JARID2: variants seen among roughly 807,000 people sequenced by gnomAD.
JARID2 encodes protein Jumonji.
In JARID2, 21 loss-of-function variants were observed where a neutral mutation model predicts 125.6. The observed-to-expected ratio is 0.17, with a 90% confidence interval of 0.12 to 0.24. The LOEUF (loss-of-function observed/expected upper bound fraction) is 0.24. Ranked by LOEUF, JARID2 falls within the 10% of genes least tolerant of loss-of-function variation. The pLI, the probability that JARID2 is intolerant of heterozygous loss-of-function variation, is 1.00. For synonymous variants in JARID2, 736 were observed against 661.6 expected (o/e 1.11, Z -1.73); for missense variants, 1,303 against 1,639.6 (o/e 0.79, Z 3.55).
intron 1 of JARID2, among the ~76,000 whole-genome samples, chr6:15,331,997 C>T (rs1762726572): frequency 6.6e-6 from 1 of 152,116 alleles, no homozygotes; most frequent in Admixed American, 6.5e-5. Context: ...GTGAGCACAC[C>T]TGCTAAGCCA....
At chr6:15,369,841 G>T (rs1764101015) in intron 1 of JARID2, among the ~76,000 whole-genome samples, 1 of 152,192 alleles carries the variant, frequency 6.6e-6, no homozygotes, top group Non-Finnish European at 1.5e-5. Flanking sequence ...AAGACCATGT[G>T]GACATCTGGA....
At chr6:15,343,318 C>T (rs1417019307) in intron 1 of JARID2, among the ~76,000 whole-genome samples, 1 of 149,026 alleles carries the variant, frequency 6.7e-6, no homozygotes. Flanking sequence ...CATGAGCATG[C>T]TCTTCAAATT....
chr6:15,479,592 T>C (rs1038354475), intron 5 of JARID2, among the ~76,000 whole-genome samples: 1 of 152,232 alleles, frequency 6.6e-6, no homozygotes, highest in African/African-American at 2.4e-5. Flanking sequence ...ATATCTGTTA[T>C]AATTGTGATC....
At chr6:15,506,545 G>A (rs1771014702) in intron 9 of JARID2, among the ~76,000 whole-genome samples, 1 of 152,166 alleles carries the variant, frequency 6.6e-6, no homozygotes, top group South Asian at 2.1e-4. Context: ...GAGGGAAGAG[G>A]ACTTAGTGCT....
intron 1 of JARID2, among the ~76,000 whole-genome samples, chr6:15,251,290 A>AC (rs1759441541): frequency 6.6e-6 from 1 of 152,220 alleles, no homozygotes; most frequent in Admixed American, 6.5e-5. Context: ...TGCTGGGATT[A>AC]CAGGCGTGAG....
chr6:15,379,159 A>G (rs1169935905), intron 2 of JARID2, among the ~76,000 whole-genome samples: 1 of 151,348 alleles, frequency 6.6e-6, no homozygotes, highest in Non-Finnish European at 1.5e-5. Flanking sequence ...TTACAGTGAC[A>G]AGGAATGAAT....
Position 15,520,404 on chromosome 6 carries a change from A to G in JARID2, c.*153A>G, listed in dbSNP as rs1771776978. On this transcript the variant is annotated 3_prime_UTR_variant, in exon 18 of 18. Coordinates refer to ENST00000341776, the MANE Select transcript of JARID2 (RefSeq NM_004973.4). ...GAGAACTAATTTTGTTTTAGCATTA[A>G]ACTGTTGAACTTTTTTTTGTACTTA... 1 of 598,494 alleles carries G rather than the reference A, an allele frequency of 1.7e-6. No individual in the cohort carries two copies. Among genetic ancestry groups the G allele is most frequent in the South Asian group, 2.8e-5 (1 of 35,284 alleles). The allele number at this position is 598,494 out of a possible 1,614,324, so 37.1% of individuals were successfully genotyped here. A position where few individuals can be genotyped will look rare whatever the true frequency, so the allele number is the denominator to read the frequency against.
chr6:15,419,532 A>C (rs987487089), intron 3 of JARID2, among the ~76,000 whole-genome samples: 1 of 152,210 alleles, frequency 6.6e-6, no homozygotes, highest in Non-Finnish European at 1.5e-5. Flanking sequence ...TTGATCATTC[A>C]GCTTTTGTAT....
intron 3 of JARID2, among the ~76,000 whole-genome samples, chr6:15,448,184 G>A (rs970218098): frequency 1.3e-5 from 2 of 152,222 alleles, no homozygotes; most frequent in African/African-American, 4.8e-5. Flanking sequence ...TAATCACTTG[G>A]GAGCTTGGCT....
At chr6:15,345,432 CTG>C (rs770512356) in intron 1 of JARID2, among the ~76,000 whole-genome samples, 32 of 152,184 alleles carry the variant, frequency 2.1e-4, no homozygotes, top group Non-Finnish European at 3.8e-4. Context: ...AATTGAAAAT[CTG>C]GAGCTCGAGC....
At chr6:15,281,634 C>T (rs181082766) in intron 1 of JARID2, among the ~76,000 whole-genome samples, 5 of 152,296 alleles carry the variant, frequency 3.3e-5, no homozygotes, top group Admixed American at 2.6e-4. Flanking sequence ...AAGGTTATGG[C>T]CTGTGATTTA....
chr6:15,368,625 G>A (rs149841221), intron 1 of JARID2: 58 of 448,948 alleles, frequency 1.3e-4, no homozygotes, highest in East Asian at 7.3e-4. Context: ...ACCGTGTCAC[G>A]TAAGGAATGA....
chr6:15,493,821 C>T (rs922727950), intron 6 of JARID2, among the ~76,000 whole-genome samples: 6 of 152,154 alleles, frequency 3.9e-5, no homozygotes, highest in African/African-American at 1.2e-4. Context: ...CCTCACTATA[C>T]CTCCTCTTGC....
chr6:15,300,225 C>A (rs1761555955), intron 1 of JARID2, among the ~76,000 whole-genome samples: 1 of 152,148 alleles, frequency 6.6e-6, no homozygotes, highest in South Asian at 2.1e-4. Flanking sequence ...GTTTTTAATT[C>A]TTTGACCACA....
intron 1 of JARID2, among the ~76,000 whole-genome samples, chr6:15,360,792 A>G (rs917053830): frequency 2.0e-5 from 3 of 152,200 alleles, no homozygotes; most frequent in African/African-American, 7.2e-5. Flanking sequence ...GACATGAGCC[A>G]CTGCGCCCAA....
chr6:15,504,512 T>A lies in JARID2; in HGVS notation c.2461T>A (p.Ser821Thr). 1.2e-6 allele frequency: 2 copies of A among 1,613,514 alleles called. No homozygotes were observed. Among genetic ancestry groups the A allele is most frequent in the Non-Finnish European group, 1.7e-6 (2 of 1,179,416 alleles). The part of the protein sequence containing the change: ...HKCIYKGRSV[S>T]LTTFYRTARN... ...TGTTTTGTTTCAGGGAAGGTCTGTT[T>A]CTCTAACAACTTTTTATCGAACAGC... The change falls in exon 9 of 18, where the codon TCT becomes ACT. Residue 821 changes from serine (S) to threonine (T), a missense_variant. Physicochemically the swap from Ser to Thr is moderately conservative, Grantham distance 58. This residue lies in a region of JARID2 where 29 missense variants were observed against 47.7 expected (regional missense o/e 0.61). Coordinates refer to ENST00000341776, the MANE Select transcript of JARID2 (RefSeq NM_004973.4).
intron 3 of JARID2, among the ~76,000 whole-genome samples, chr6:15,437,414 G>A (rs955062311): frequency 6.6e-6 from 1 of 152,110 alleles, no homozygotes; most frequent in Admixed American, 6.5e-5. Context: ...AGCTCCTTAT[G>A]CACTGTCCTT....
At chr6:15,407,962 A>G (rs1271791675) in intron 2 of JARID2, among the ~76,000 whole-genome samples, 1 of 152,124 alleles carries the variant, frequency 6.6e-6, no homozygotes, top group Non-Finnish European at 1.5e-5. Flanking sequence ...ACCTTGTGCT[A>G]TTGAAAAAAG....
chr6:15,420,430 C>T lies in JARID2; in HGVS notation c.323+10065C>T, dbSNP rs182564160. ...AAAAAAAAAGAAGTTAGATTTTGGT[C>T]TTTCCATAATCTTCAGTGTCTCTAG... On this transcript the variant is annotated intron_variant, in intron 3 of 17. Transcript: ENST00000341776. Among the ~76,000 whole-genome samples the T allele has an allele frequency of 2.0e-5, 3 of 151,754 alleles. No homozygotes were observed. In the East Asian group the frequency reaches 5.8e-4, roughly 29 times the overall value.
Sources: gnomAD v4.1 joint callset for allele counts (sites outside exome capture counted in the v4.1 genomes callset) on GRCh38, gnomAD v4.1.1 for gene constraint, gnomAD v4.1.1 regional missense constraint, MANE v1.5 for transcripts, NCBI Gene and HGNC (gene_info 2026-07-23, HGNC 2026-07-21) for gene names.